Variants in VTI1A observed in about 807,000 individuals in gnomAD.
VTI1A encodes the protein vesicle transport through interaction with t-SNAREs 1A, also known as vesicle transport through interaction with t-SNAREs homolog 1A.
A neutral mutation model predicts 34.9 loss-of-function variants in VTI1A; 22 were observed. The ratio of observed to expected loss-of-function variants is 0.63; its 90% CI spans 0.45 to 0.90. VTI1A has a LOEUF of 0.90. Among genes scored for constraint, VTI1A ranks in the 40% least tolerant of loss-of-function variants. The pLI is 0.00. For missense variants in VTI1A, 268 were observed against 275.6 expected (o/e 0.97, Z 0.20); for synonymous variants, 87 against 97.3 (o/e 0.89, Z 0.62).
intron 7 of VTI1A, among the ~76,000 whole-genome samples, chr10:112,754,551 G>T (rs546783284): frequency 6.6e-6 from 1 of 152,218 alleles, no homozygotes; most frequent in African/African-American, 2.4e-5. Flanking sequence ...ACAGTGTACT[G>T]TTAAAACTTT....
chr10:112,748,722 T>C (rs1338095803), intron 7 of VTI1A, among the ~76,000 whole-genome samples: 1 of 146,118 alleles, frequency 6.8e-6, no homozygotes, highest in Non-Finnish European at 1.5e-5. Flanking sequence ...GCCTCCCGGG[T>C]TCACGCCATT....
intron 5 of VTI1A, among the ~76,000 whole-genome samples, chr10:112,662,919 TCTTACAAACAA>T (rs747715626): frequency 9.4e-4 from 138 of 146,298 alleles, no homozygotes; most frequent in Non-Finnish European, 1.9e-3. Context: ...TTATGCTTCT[TCTTACAAACAA>T]ACAAACAAAC....
chr10:112,679,580 G>A (rs1375891265), intron 7 of VTI1A, among the ~76,000 whole-genome samples: 1 of 151,880 alleles, frequency 6.6e-6, no homozygotes, highest in Non-Finnish European at 1.5e-5. Context: ...ACCAAGGTGT[G>A]AATATCAATG....
At chr10:112,747,730 A>AG (rs1850948983) in intron 7 of VTI1A, among the ~76,000 whole-genome samples, 5 of 152,032 alleles carry the variant, frequency 3.3e-5, no homozygotes, top group Admixed American at 6.5e-5. Context: ...GTGTAGAAGG[A>AG]GGCCCTCAAA....
chr10:112,720,920 G>C (rs1435831482), intron 7 of VTI1A, among the ~76,000 whole-genome samples: 1 of 151,856 alleles, frequency 6.6e-6, no homozygotes. Context: ...TTATTTTAGA[G>C]AGAATATAGC....
intron 5 of VTI1A, among the ~76,000 whole-genome samples, chr10:112,632,347 C>G (rs1846159626): frequency 6.6e-6 from 1 of 152,100 alleles, no homozygotes. Flanking sequence ...TGGAGTTTTC[C>G]AAGTATACAA....
chr10:112,833,631 T>G, the VTI1A span, among the ~76,000 whole-genome samples: 2 of 152,316 alleles, frequency 1.3e-5, no homozygotes, highest in East Asian at 3.9e-4. Context: ...CCTTTGCAGC[T>G]ATCCCACTCT....
At position 112,494,972 on chromosome 10, in the gene VTI1A, G is replaced by A. The variant is rs182440020; in HGVS notation, c.264+30315G>A. Among the ~76,000 whole-genome samples the A allele has an allele frequency of 9.9e-5, 15 of 152,274 alleles. No individual in the cohort carries two copies. The East Asian group carries it at 2.7e-3, about 27-fold the overall frequency. Reference sequence around the variant, plus strand: ...TAAAATTTGAAAACAGGCTTGGGAAGCTAAGAATCGGAGCTTTTTTTCAGT... The same window carrying A: ...TAAAATTTGAAAACAGGCTTGGGAAACTAAGAATCGGAGCTTTTTTTCAGT... On this transcript the variant is annotated intron_variant, in intron 3 of 7. Coordinates refer to ENST00000393077, the MANE Select transcript of VTI1A (RefSeq NM_145206.4).
At chr10:112,849,598 A>C in the VTI1A span, among the ~76,000 whole-genome samples, 3 of 152,200 alleles carry the variant, frequency 2.0e-5, no homozygotes, top group Non-Finnish European at 4.4e-5. Context: ...GCCCTGAGGA[A>C]GGAATTACCC....
intron 5 of VTI1A, among the ~76,000 whole-genome samples, chr10:112,618,682 T>C (rs996494495): frequency 3.3e-5 from 5 of 151,744 alleles, no homozygotes; most frequent in Non-Finnish European, 1.5e-5. Context: ...AATATTGGTA[T>C]AGTTAGAACA....
chr10:112,829,368 C>G, the VTI1A span, among the ~76,000 whole-genome samples: 2 of 150,444 alleles, frequency 1.3e-5, no homozygotes, highest in African/African-American at 4.9e-5. Flanking sequence ...GGCATGAACC[C>G]GGGAGGTGGA....
intron 5 of VTI1A, among the ~76,000 whole-genome samples, chr10:112,566,060 TATA>T (rs1851894206): frequency 6.6e-6 from 1 of 152,092 alleles, no homozygotes; most frequent in South Asian, 2.1e-4. Flanking sequence ...AAGTGTGAAA[TATA>T]ATTAACAAAT....
chr10:112,841,198 G>A, the VTI1A span, among the ~76,000 whole-genome samples: 15 of 152,282 alleles, frequency 9.9e-5, no homozygotes, highest in African/African-American at 3.6e-4. Context: ...CCTGGGATCT[G>A]CAGCTGTGAC....
At chr10:112,650,523 A>C (rs1846969715) in intron 5 of VTI1A, among the ~76,000 whole-genome samples, 1 of 152,204 alleles carries the variant, frequency 6.6e-6, no homozygotes, top group Non-Finnish European at 1.5e-5. Context: ...ATAGTATAGT[A>C]AATTCAAAAA....
intron 5 of VTI1A, among the ~76,000 whole-genome samples, chr10:112,610,645 G>A (rs7094567): frequency 0.012 from 1,794 of 152,282 alleles, 19 homozygotes; most frequent in African/African-American, 0.023. Context: ...GGCCGGGCGC[G>A]GTGGCTCATG....
chr10:112,528,491 GA>G (rs1850316041), intron 4 of VTI1A, among the ~76,000 whole-genome samples: 2 of 148,724 alleles, frequency 1.3e-5, no homozygotes, highest in South Asian at 4.2e-4. Context: ...TGAAATGTGA[GA>G]ATAGCTAAAG....
chr10:112,467,273 A>G (rs1847927634), intron 3 of VTI1A, among the ~76,000 whole-genome samples: 2 of 152,140 alleles, frequency 1.3e-5, no homozygotes, highest in African/African-American at 2.4e-5. Flanking sequence ...TGGAAATTGT[A>G]TACTTGGATA....
intron 5 of VTI1A, among the ~76,000 whole-genome samples, chr10:112,614,465 C>T (rs947382065): frequency 1.3e-5 from 2 of 152,154 alleles, no homozygotes; most frequent in Admixed American, 6.5e-5. Flanking sequence ...AGAGACCGCC[C>T]ATGGCTTCAT....
At chr10:112,825,559 G>A in the VTI1A span, 1 of 152,282 alleles carries the variant, frequency 6.6e-6, no homozygotes, top group South Asian at 2.1e-4. Context: ...AGGATGCCTG[G>A]CTCAACCTCC....
Sources: gnomAD v4.1 joint callset for allele counts (sites outside exome capture counted in the v4.1 genomes callset) on GRCh38, gnomAD v4.1.1 for gene constraint, MANE v1.5 for transcripts, NCBI Gene and HGNC (gene_info 2026-07-23, HGNC 2026-07-21) for gene names.